Variants in USP25 observed in about 807,000 individuals in gnomAD.
USP25 encodes the protein ubiquitin specific peptidase 25, also known as ubiquitin carboxyl-terminal hydrolase 25.
USP25 carries 85 observed loss-of-function variants against 158.5 expected under a neutral mutation model. That is an observed-to-expected ratio of 0.54 (90% CI 0.45 to 0.64). The LOEUF is 0.64. USP25 is among the 30% of genes least tolerant of loss of function. The pLI is 0.00. For missense variants in USP25, 1,242 were observed against 1,327.3 expected (o/e 0.94, Z 1.00); for synonymous variants, 464 against 460.4 (o/e 1.01, Z -0.10).
chr21:15,796,130 A>T (rs1391841830), intron 5 of USP25, among the ~76,000 whole-genome samples: 1 of 151,586 alleles, frequency 6.6e-6, no homozygotes, highest in African/African-American at 2.4e-5. Flanking sequence ...CAGGTGCATT[A>T]ATCAAAAACA....
At chr21:15,827,577 G>A (rs774125699) in intron 14 of USP25, among the ~76,000 whole-genome samples, 46 of 152,160 alleles carry the variant, frequency 3.0e-4, no homozygotes, top group South Asian at 2.3e-3. Flanking sequence ...AGGGAGTTCC[G>A]GTGATTAAAA....
At chr21:15,863,174 A>G (rs2039506856) in intron 20 of USP25, among the ~76,000 whole-genome samples, 2 of 152,008 alleles carry the variant, frequency 1.3e-5, no homozygotes, top group Admixed American at 6.5e-5. Context: ...GTGTAAATCT[A>G]TACATATTTC....
chr21:15,788,232 A>T (rs1001171178), intron 4 of USP25, among the ~76,000 whole-genome samples: 5 of 151,768 alleles, frequency 3.3e-5, no homozygotes, highest in African/African-American at 1.2e-4. Flanking sequence ...TCTTATACTT[A>T]AGAGCTTGGG....
chr21:15,801,593 T>G (rs192261077), intron 6 of USP25, among the ~76,000 whole-genome samples: 3 of 151,704 alleles, frequency 2.0e-5, no homozygotes, highest in African/African-American at 7.2e-5. Flanking sequence ...CACTGAATGG[T>G]CCTATATTCA....
intron 5 of USP25, among the ~76,000 whole-genome samples, chr21:15,792,897 A>G (rs1014393219): frequency 3.3e-5 from 5 of 151,620 alleles, no homozygotes; most frequent in South Asian, 2.1e-4. Flanking sequence ...ATAAATCTAT[A>G]GTAGTATCTT....
At chr21:15,800,064 G>A (rs2036055247) in intron 6 of USP25, among the ~76,000 whole-genome samples, 1 of 151,036 alleles carries the variant, frequency 6.6e-6, no homozygotes, top group Admixed American at 6.6e-5. Context: ...AATTTTTGGT[G>A]TCGCTTTAGT....
intron 1 of USP25, among the ~76,000 whole-genome samples, chr21:15,735,576 A>C (rs2031412490): frequency 6.6e-6 from 1 of 152,164 alleles, no homozygotes. Flanking sequence ...ATTGCTTACA[A>C]GGTTTGGTGT....
At chr21:15,749,402 A>G (rs1379963927) in intron 1 of USP25, among the ~76,000 whole-genome samples, 1 of 152,186 alleles carries the variant, frequency 6.6e-6, no homozygotes, top group Non-Finnish European at 1.5e-5. Flanking sequence ...ATTTCTTTGC[A>G]AGCTTTACCT....
chr21:15,733,074 T>C (rs1272275201), intron 1 of USP25, among the ~76,000 whole-genome samples: 2 of 144,730 alleles, frequency 1.4e-5, no homozygotes, highest in Non-Finnish European at 3.0e-5. Flanking sequence ...TGTAGGAGCC[T>C]TAGATCTCAG....
intron 10 of USP25, among the ~76,000 whole-genome samples, chr21:15,820,413 C>G (rs1329280553): frequency 6.6e-6 from 1 of 151,818 alleles, no homozygotes; most frequent in African/African-American, 2.4e-5. Context: ...CTGAATGCCC[C>G]TATGTTGCAA....
chr21:15,831,017 C>A (rs139231049), intron 15 of USP25, among the ~76,000 whole-genome samples: 1 of 152,118 alleles, frequency 6.6e-6, no homozygotes, highest in African/African-American at 2.4e-5. Context: ...TGGTGTATAT[C>A]ATATAATCTA....
At position 15,844,282 on chromosome 21, in the gene USP25, C is replaced by A. The variant is rs141211545; in HGVS notation, c.2337+1742C>A. On this transcript the variant is annotated intron_variant, in intron 18 of 25. Coordinates refer to ENST00000400183, the MANE Select transcript of USP25 (RefSeq NM_001283041.3). ...TTAGCGTACACTAGAAGCTAAATTG[C>A]ACAGGTGAAAAGTATCTTCAGACTT... 2.2e-4 allele frequency among the ~76,000 whole-genome samples: 33 copies of A among 152,158 alleles called. No individual in the cohort carries two copies. In the East Asian group the frequency reaches 5.4e-3, roughly 25 times the overall value.
chr21:15,763,042 AT>A (rs371390594), intron 2 of USP25, 74 bp downstream of exon 2: 13,228 of 1,192,202 alleles, frequency 0.011, 31 homozygotes, highest in Non-Finnish European at 0.012. Flanking sequence ...TTGATAGTTG[AT>A]TTTTTTTTTG....
intron 4 of USP25, among the ~76,000 whole-genome samples, chr21:15,785,567 C>G (rs1366966944): frequency 6.6e-6 from 1 of 152,262 alleles, no homozygotes; most frequent in East Asian, 1.9e-4. Flanking sequence ...ACCTTAATAA[C>G]CAATGGGTCA....
chr21:15,867,362 G>A (rs1320950825), intron 22 of USP25, among the ~76,000 whole-genome samples: 2 of 151,900 alleles, frequency 1.3e-5, no homozygotes, highest in Non-Finnish European at 2.9e-5. Flanking sequence ...CAGGGAAGAG[G>A]AAAGAGAGAG....
chr21:15,742,890 G>A (rs1376775015), intron 1 of USP25, among the ~76,000 whole-genome samples: 3 of 152,228 alleles, frequency 2.0e-5, no homozygotes, highest in African/African-American at 4.8e-5. Context: ...TCAGCCCATG[G>A]CGGGACTGGG....
chr21:15,858,017 C>T (rs2039241436), intron 20 of USP25, among the ~76,000 whole-genome samples: 1 of 152,042 alleles, frequency 6.6e-6, no homozygotes, highest in African/African-American at 2.4e-5. Context: ...TTATAAGTAG[C>T]TCTAACTGGG....
At chr21:15,847,539 AAAAT>A in intron 18 of USP25, 120 bp from the exon 19 acceptor site, 1 of 624,022 alleles carries the variant, frequency 1.6e-6, no homozygotes, top group Non-Finnish European at 2.8e-6. Flanking sequence ...GGAACTTTTA[AAAAT>A]AAGTCATATG....
intron 3 of USP25, among the ~76,000 whole-genome samples, chr21:15,774,489 CT>C (rs1003339219): frequency 1.1e-4 from 16 of 149,662 alleles, no homozygotes; most frequent in African/African-American, 1.5e-4. Flanking sequence ...AACAGGCTCA[CT>C]TTTTTTTTTC....
Sources: gnomAD v4.1 joint callset for allele counts (sites outside exome capture counted in the v4.1 genomes callset) on GRCh38, gnomAD v4.1.1 for gene constraint, MANE v1.5 for transcripts, NCBI Gene and HGNC (gene_info 2026-07-23, HGNC 2026-07-21) for gene names.